The following MIPEP variants were observed in gnomAD, a reference collection of about 807,000 sequenced individuals.
MIPEP encodes the protein mitochondrial intermediate peptidase.
Under a neutral mutation model 90.3 loss-of-function variants are expected in MIPEP, and 79 were observed. The observed-to-expected ratio is 0.87, with a 90% CI of 0.73 to 1.05. The LOEUF (loss-of-function observed/expected upper bound fraction) is 1.05. MIPEP is among the 50% of genes least tolerant of loss of function. The pLI is 0.00. For missense variants in MIPEP, 940 were observed against 905.6 expected (o/e 1.04, Z -0.49); for synonymous variants, 334 against 315.8 (o/e 1.06, Z -0.61).
intron 16 of MIPEP, among the ~76,000 whole-genome samples, chr13:23,763,109 A>G (rs1459998037): frequency 6.6e-6 from 1 of 152,374 alleles, no homozygotes; most frequent in Admixed American, 6.5e-5. Flanking sequence ...TTTTTAGTCA[A>G]AAGGCTTTTA....
chr13:23,880,938 C>T (rs1871247661), intron 3 of MIPEP, among the ~76,000 whole-genome samples: 2 of 152,160 alleles, frequency 1.3e-5, no homozygotes, highest in South Asian at 2.1e-4. Flanking sequence ...TCCACGCTGG[C>T]GAGCCCAGGG....
chr13:23,787,182 C>T (rs1593154163), intron 16 of MIPEP, among the ~76,000 whole-genome samples: 1 of 152,194 alleles, frequency 6.6e-6, no homozygotes, highest in East Asian at 1.9e-4. Flanking sequence ...TTAAACTACA[C>T]ATCTTAGTTT....
chr13:23,858,027 T>G (rs1165384857), intron 10 of MIPEP, among the ~76,000 whole-genome samples: 3 of 152,112 alleles, frequency 2.0e-5, no homozygotes, highest in Non-Finnish European at 4.4e-5. Flanking sequence ...ATTACCTAAA[T>G]CAACCTTAAC....
intron 5 of MIPEP, among the ~76,000 whole-genome samples, chr13:23,874,447 G>A (rs554243043): frequency 6.6e-6 from 1 of 152,338 alleles, no homozygotes; most frequent in Non-Finnish European, 1.5e-5. Context: ...ATCTATGCTT[G>A]TTCCATCAGT....
rs767893131 is a variant in MIPEP at position 23,756,579 on chromosome 13, G to A, written c.2010C>T (p.His670=). ...GERYRREMLA[H]GGGREPMLMV... is the part of the protein sequence containing the mutation. ...TGAGCATGGGCTCCCTGCCTCCACCGTGGGCCAGCATCTCCCTGCGATAGC... is the reference window on the plus strand; with the variant it reads ...TGAGCATGGGCTCCCTGCCTCCACCATGGGCCAGCATCTCCCTGCGATAGC... Residue 670 remains histidine, a synonymous_variant, in exon 18 of 19, where the codon CAC becomes CAT. Coordinates refer to ENST00000382172, the MANE Select transcript of MIPEP (RefSeq NM_005932.4). 1.4e-5 allele frequency: 23 copies of A among 1,613,728 alleles called. No homozygotes were observed. Among genetic ancestry groups the A allele is most frequent in the South Asian group, 8.8e-5 (8 of 91,086 alleles).
rs1870737823 is a variant in MIPEP at position 23,870,325 on chromosome 13, T to C, written c.604-130A>G. ...ATTATCACTTAATAAAATATTAGTT[T>C]AGTAAAATGAATATATTGTTACTAT... On this transcript the variant is annotated intron_variant, in intron 5 of 18. Coordinates refer to ENST00000382172, the MANE Select transcript of MIPEP (RefSeq NM_005932.4). 6 of 380,482 alleles carry C rather than the reference T, an allele frequency of 1.6e-5. No homozygotes were observed. The South Asian group carries it at 5.9e-4, about 38-fold the overall frequency. The allele number at this position is 380,482 out of a possible 1,614,324, so 23.6% of individuals were successfully genotyped here.
intron 16 of MIPEP, among the ~76,000 whole-genome samples, chr13:23,786,513 TAG>T (rs1426135831): frequency 6.6e-6 from 1 of 151,666 alleles, no homozygotes; most frequent in Non-Finnish European, 1.5e-5. Context: ...AATAACAAAA[TAG>T]GGGAAATACG....
At chr13:23,757,154 G>T (rs1952497671) in intron 17 of MIPEP, among the ~76,000 whole-genome samples, 1 of 152,104 alleles carries the variant, frequency 6.6e-6, no homozygotes. Context: ...CCATCCAGGG[G>T]TGATGGGAGA....
intron 16 of MIPEP, among the ~76,000 whole-genome samples, chr13:23,803,046 T>C (rs1011363): frequency 0.11 from 17,440 of 152,160 alleles, 1,118 homozygotes; most frequent in Non-Finnish European, 0.14. Flanking sequence ...GTATAAAATA[T>C]AAGATACTCA....
chr13:23,801,158 A>AG (rs1243499611), intron 16 of MIPEP, among the ~76,000 whole-genome samples: 2 of 152,228 alleles, frequency 1.3e-5, no homozygotes, highest in African/African-American at 2.4e-5. Context: ...ACAAGTTTAC[A>AG]GGGGGAACAC....
At chr13:23,850,001 A>G (rs1421855020) in intron 10 of MIPEP, among the ~76,000 whole-genome samples, 2 of 152,234 alleles carry the variant, frequency 1.3e-5, no homozygotes, top group African/African-American at 4.8e-5. Context: ...CTTCAGTCTC[A>G]CCTTATTCTA....
intron 5 of MIPEP, 109 bp downstream of exon 5, chr13:23,874,737 T>C (rs1870985251): frequency 1.1e-6 from 1 of 877,080 alleles, no homozygotes; most frequent in Non-Finnish European, 1.7e-6. Flanking sequence ...GACCTGCACG[T>C]TTTTGCAATA....
chr13:23,748,447 A>C (rs1952406785), intron 18 of MIPEP, among the ~76,000 whole-genome samples: 1 of 152,216 alleles, frequency 6.6e-6, no homozygotes, highest in Non-Finnish European at 1.5e-5. Flanking sequence ...ATTAGGAAGT[A>C]AATGTTAATA....
Position 23,867,254 on chromosome 13 carries a change from C to T in MIPEP, c.943+2038G>A, listed in dbSNP as rs191634987. On this transcript the variant is annotated intron_variant, in intron 7 of 18. Coordinates refer to ENST00000382172, the MANE Select transcript of MIPEP (RefSeq NM_005932.4). The stretch of plus-strand genomic sequence containing the variant: ...CACCTCTCGCCACTCTCCTTGCACA[C>T]GCTGCGCTTCAGCCACTCTGCCCTC... Among the ~76,000 whole-genome samples the T allele has an allele frequency of 6.6e-5, 10 of 152,254 alleles. No homozygotes were observed. The East Asian group carries it at 1.5e-3, about 24-fold the overall frequency.
At chr13:23,749,903 C>A (rs1419811986) in intron 18 of MIPEP, among the ~76,000 whole-genome samples, 1 of 152,108 alleles carries the variant, frequency 6.6e-6, no homozygotes, top group African/African-American at 2.4e-5. Flanking sequence ...GCCCACTTAC[C>A]TTCCAGCCTC....
intron 16 of MIPEP, among the ~76,000 whole-genome samples, chr13:23,795,551 ATAAT>A (rs1952948982): frequency 6.6e-6 from 1 of 152,188 alleles, no homozygotes; most frequent in Non-Finnish European, 1.5e-5. Flanking sequence ...CACTTAATGG[ATAAT>A]TATTTTCTTA....
At chr13:23,820,033 A>T (rs1295178331) in intron 14 of MIPEP, among the ~76,000 whole-genome samples, 4 of 151,662 alleles carry the variant, frequency 2.6e-5, no homozygotes. Flanking sequence ...AAGGAAAAAA[A>T]CCTCTTTTCA....
intron 18 of MIPEP, among the ~76,000 whole-genome samples, chr13:23,734,642 C>G (rs899713025): frequency 6.6e-6 from 1 of 152,142 alleles, no homozygotes; most frequent in Non-Finnish European, 1.5e-5. Flanking sequence ...CCAAATGGTG[C>G]TATAAACTGA....
intron 18 of MIPEP, among the ~76,000 whole-genome samples, chr13:23,755,735 C>T (rs898612233): frequency 6.6e-6 from 1 of 151,596 alleles, no homozygotes; most frequent in African/African-American, 2.4e-5. Flanking sequence ...TAAAAATACT[C>T]AAATAAAAAA....
Sources: gnomAD v4.1 joint callset for allele counts (sites outside exome capture counted in the v4.1 genomes callset) on GRCh38, gnomAD v4.1.1 for gene constraint, MANE v1.5 for transcripts, NCBI Gene and HGNC (gene_info 2026-07-23, HGNC 2026-07-21) for gene names.